STS: variants seen among roughly 807,000 people sequenced by gnomAD.
STS encodes the protein steryl-sulfatase.
STS carries 7 observed loss-of-function variants against 26.8 expected under a neutral mutation model. The observed-to-expected ratio is 0.26, with a 90% CI of 0.15 to 0.49. The LOEUF (loss-of-function observed/expected upper bound fraction) is 0.49, where lower values mean the gene tolerates loss of function less well. STS is among the 20% of genes least tolerant of loss of function. STS has a pLI of 0.98. For missense variants in STS, 434 were observed against 465.6 expected (o/e 0.93, Z 0.63); for synonymous variants, 199 against 189.4 (o/e 1.05, Z -0.42).
At chrX:7,324,072 G>C (rs770115422) in intron 8 of STS, among the ~76,000 whole-genome samples, 10 of 110,967 alleles carry the variant, frequency 9.0e-5, no homozygotes, top group Non-Finnish European at 1.9e-4. Flanking sequence ...TCTGGCTACA[G>C]CTTGATTTAT....
intron 8 of STS, among the ~76,000 whole-genome samples, chrX:7,313,791 TCTA>T (rs1414730597): frequency 1.8e-5 from 2 of 112,208 alleles, no homozygotes; most frequent in Non-Finnish European, 3.8e-5. Context: ...TAGCTTAAAT[TCTA>T]CTAAAAGACA....
chrX:7,316,607 G>A (rs1926724366), intron 8 of STS, among the ~76,000 whole-genome samples: 1 of 112,205 alleles, frequency 8.9e-6, no homozygotes, highest in South Asian at 3.7e-4. Context: ...CATTTGACCT[G>A]TGTCAATTAA....
chrX:7,228,095 G>GT (rs1389706015), intron 2 of STS, among the ~76,000 whole-genome samples: 128 of 110,032 alleles, frequency 1.2e-3, no homozygotes, highest in African/African-American at 3.3e-3. Context: ...TATAGACCAT[G>GT]TTTTTTTTTG....
chrX:7,252,245 T>C lies in STS; in HGVS notation c.-4-951T>C, dbSNP rs752336856. ...CACAGAGACTTGGTTCTGGAAGTAT[T>C]TGAGAGTAAGAACCTGGCTCAAGGC... is the stretch of plus-strand genomic sequence containing the variant. On this transcript the variant is annotated intron_variant, in intron 2 of 10. Transcript: ENST00000674429. The C allele has an allele frequency of 9.4e-5, 70 of 744,225 alleles. No individual in the cohort carries two copies. The South Asian group carries it at 4.1e-3, about 44-fold the overall frequency. The allele number at this position is 744,225 out of a possible 1,213,427, so 61.3% of individuals were successfully genotyped here.
chrX:7,216,781 G>A (rs887060605), intron 2 of STS, among the ~76,000 whole-genome samples: 1 of 111,754 alleles, frequency 8.9e-6, no homozygotes, highest in Admixed American at 9.5e-5. Flanking sequence ...AGGATTTAGA[G>A]GGTCTGTCTC....
chrX:7,217,299 G>T (rs1290682762), intron 2 of STS, among the ~76,000 whole-genome samples: 1 of 111,438 alleles, frequency 9.0e-6, no homozygotes, highest in Non-Finnish European at 1.9e-5. Flanking sequence ...GCTAAAACTG[G>T]ATTTTACAAG....
chrX:7,218,993 G>C (rs1435254947), intron 2 of STS, among the ~76,000 whole-genome samples: 1 of 112,008 alleles, frequency 8.9e-6, no homozygotes, highest in Non-Finnish European at 1.9e-5. Context: ...TCACTTAGCA[G>C]CATGATGCAA....
At chrX:7,325,631 G>A in intron 9 of STS, 133 bp downstream of exon 9, 1 of 748,120 alleles carries the variant, frequency 1.3e-6, no homozygotes. Context: ...TCACAGGTTT[G>A]AGGCAGGTCA....
intron 2 of STS, among the ~76,000 whole-genome samples, chrX:7,237,507 T>C (rs989047729): frequency 1.8e-5 from 2 of 112,116 alleles, no homozygotes; most frequent in Admixed American, 1.9e-4. Flanking sequence ...TTCTTCATTT[T>C]GTAAGGTTAA....
chrX:7,293,938 A>G (rs1259634976), intron 7 of STS, among the ~76,000 whole-genome samples: 2 of 111,371 alleles, frequency 1.8e-5, no homozygotes, highest in South Asian at 3.8e-4. Flanking sequence ...CCTGGGCAAC[A>G]AAGTAAGACC....
intron 2 of STS, among the ~76,000 whole-genome samples, chrX:7,220,791 G>A (rs1355409155): frequency 1.8e-5 from 2 of 109,978 alleles, no homozygotes; most frequent in African/African-American, 3.3e-5. Context: ...CTCGTGATCC[G>A]CCCGCCTCGG....
intron 6 of STS, among the ~76,000 whole-genome samples, chrX:7,267,142 G>A (rs770790339): frequency 1.8e-5 from 2 of 111,912 alleles, no homozygotes; most frequent in East Asian, 5.6e-4. Flanking sequence ...ACTCTAGTGC[G>A]GTAGACTTAT....
intron 2 of STS, among the ~76,000 whole-genome samples, chrX:7,194,711 A>G (rs1277730738): frequency 8.9e-6 from 1 of 112,176 alleles, no homozygotes; most frequent in African/African-American, 3.2e-5. Flanking sequence ...GGAACCAGTT[A>G]TGTTAGATTT....
chrX:7,237,908 C>T (rs1922397097), intron 2 of STS, among the ~76,000 whole-genome samples: 1 of 111,484 alleles, frequency 9.0e-6, no homozygotes, highest in African/African-American at 3.3e-5. Flanking sequence ...CATTGTATAT[C>T]TCTCCCTTAT....
chrX:7,293,266 CT>C (rs1429411146), intron 7 of STS, among the ~76,000 whole-genome samples: 1 of 111,888 alleles, frequency 8.9e-6, no homozygotes, highest in Non-Finnish European at 1.9e-5. Context: ...GACTTCTTTA[CT>C]TGGTACTTTT....
At chrX:7,265,882 G>A (rs1923980101) in intron 6 of STS, among the ~76,000 whole-genome samples, 1 of 112,247 alleles carries the variant, frequency 8.9e-6, no homozygotes, top group African/African-American at 3.2e-5. Flanking sequence ...AGGGTCCTGA[G>A]AGAATGGCCT....
Position 7,351,969 on chromosome X carries a change from A to G in STS, c.*1708A>G, listed in dbSNP as rs1928820483. On this transcript the variant is annotated 3_prime_UTR_variant, in exon 11 of 11. Coordinates refer to ENST00000674429, the MANE Select transcript of STS (RefSeq NM_001320752.2). ...AAAAAAAAAAGAAAGAGAAGAAAGA[A>G]GTGATTCCTACCCCCTACCTCCAGA... 1 of 109,965 alleles carries G rather than the reference A, an allele frequency of 9.1e-6. No homozygotes were observed. The highest frequency in any genetic ancestry group is 1.9e-5 in the Non-Finnish European group (1 of 52,726). 9.1% of individuals were successfully genotyped at this position (109,965 alleles called of 1,213,427 possible).
chrX:7,299,144 T>G (rs1323805285), intron 7 of STS, among the ~76,000 whole-genome samples: 2 of 95,510 alleles, frequency 2.1e-5, no homozygotes, highest in African/African-American at 7.7e-5. Flanking sequence ...TTATAATTTC[T>G]ATATAAATTG....
At chrX:7,253,944 G>C (rs763971503) in intron 3 of STS, among the ~76,000 whole-genome samples, 2 of 112,671 alleles carry the variant, frequency 1.8e-5, no homozygotes, top group Admixed American at 9.4e-5. Flanking sequence ...GTCTGGTGGG[G>C]ACGTGCTTCC....
Sources: allele counts gnomAD v4.1 joint callset (sites outside exome capture counted in the v4.1 genomes callset), GRCh38; gene constraint gnomAD v4.1.1; transcripts MANE v1.5; gene names NCBI Gene and HGNC (gene_info 2026-07-23, HGNC 2026-07-21).